Variants in THNSL1 observed in about 807,000 individuals in gnomAD.
THNSL1 encodes the protein threonine synthase-like 1.
THNSL1 carries 48 observed loss-of-function variants against 50.4 expected under a neutral mutation model. The observed-to-expected ratio is 0.95, with a 90% CI of 0.76 to 1.21. The LOEUF (loss-of-function observed/expected upper bound fraction) is 1.21, where lower values mean the gene tolerates loss of function less well. Among genes scored for constraint, THNSL1 ranks in the 50% most tolerant of loss-of-function variants. THNSL1 has a pLI of 0.00. For synonymous variants in THNSL1, 309 were observed against 306.1 expected, an observed-to-expected ratio of 1.01 and a Z score of -0.10; for missense variants, 896 against 871.7, an observed-to-expected ratio of 1.03 and a Z score of -0.35.
chr10:25,023,179 T>A lies in THNSL1; in HGVS notation c.-45T>A. 6.4e-7 allele frequency: 1 copy of A among 1,561,468 alleles called. No homozygotes were observed. The highest frequency in any genetic ancestry group is 1.9e-5 in the Admixed American group (1 of 51,562). On this transcript the variant is annotated 5_prime_UTR_variant, in exon 3 of 3. Coordinates refer to ENST00000376356, the MANE Select transcript of THNSL1 (RefSeq NM_024838.5). ...GTTTGTTTTGTGTTTTGAAAAGGGC[T>A]AAAGCCAATTTTTAGGTTGGCTTGG...
chr10:25,010,031 C>T, the THNSL1 span, among the ~76,000 whole-genome samples: 3 of 152,044 alleles, frequency 2.0e-5, no homozygotes, highest in Non-Finnish European at 4.4e-5. Flanking sequence ...AATGTGAAAG[C>T]GACTTTGGAA....
the THNSL1 span, among the ~76,000 whole-genome samples, chr10:24,972,522 A>AAATAAT: frequency 3.3e-5 from 5 of 150,072 alleles, no homozygotes; most frequent in Non-Finnish European, 7.4e-5. Context: ...AAAAAAAAAT[A>AAATAAT]AATAATAATA....
the THNSL1 span, among the ~76,000 whole-genome samples, chr10:24,964,095 G>A: frequency 6.6e-6 from 1 of 152,266 alleles, no homozygotes; most frequent in Admixed American, 6.5e-5. Context: ...CAACATTCCT[G>A]GCTTCTTTTG....
At chr10:24,954,030 A>T in the THNSL1 span, among the ~76,000 whole-genome samples, 1 of 152,148 alleles carries the variant, frequency 6.6e-6, no homozygotes, top group Admixed American at 6.5e-5. Flanking sequence ...AGTAATTGTG[A>T]GAGGGCGTTG....
chr10:24,964,126 C>T, the THNSL1 span, among the ~76,000 whole-genome samples: 1 of 152,200 alleles, frequency 6.6e-6, no homozygotes, highest in African/African-American at 2.4e-5. Context: ...CCCAGTAGCA[C>T]CCCCAATTGT....
chr10:24,969,677 T>G, the THNSL1 span, among the ~76,000 whole-genome samples: 2 of 152,228 alleles, frequency 1.3e-5, no homozygotes, highest in African/African-American at 4.8e-5. Flanking sequence ...ACAAAGCCCC[T>G]GTAGCTGATG....
the THNSL1 span, among the ~76,000 whole-genome samples, chr10:24,960,058 T>G: frequency 6.7e-6 from 1 of 148,552 alleles, no homozygotes; most frequent in Non-Finnish European, 1.5e-5. Flanking sequence ...CCCACCCCCT[T>G]TCCCATTTTT....
the THNSL1 span, among the ~76,000 whole-genome samples, chr10:24,963,768 T>G: frequency 6.6e-6 from 1 of 151,976 alleles, no homozygotes; most frequent in Non-Finnish European, 1.5e-5. Context: ...TAGAGAAAAA[T>G]AAAAACGGTA....
chr10:25,024,137 T>C lies in THNSL1; in HGVS notation c.914T>C (p.Ile305Thr). ...LLERCIHPADIPAARLGEMIE... is the reference protein window; with the variant it reads ...LLERCIHPADTPAARLGEMIE... ...GAAAGATGTATCCATCCTGCAGACATACCTGCTGCCAGGTTGGGAGAAATG... is the reference window on the plus strand; with the variant it reads ...GAAAGATGTATCCATCCTGCAGACACACCTGCTGCCAGGTTGGGAGAAATG... Residue 305 changes from isoleucine (I) to threonine (T), a missense_variant, in exon 3 of 3, where the codon ATA becomes ACA. Ile to Thr is a moderately conservative substitution (Grantham distance 89, BLOSUM62 -1). Transcript: ENST00000376356. 2 of 1,614,172 alleles carry C rather than the reference T, an allele frequency of 1.2e-6. No individual in the cohort carries two copies. The highest frequency in any genetic ancestry group is 1.7e-6 in the Non-Finnish European group (2 of 1,180,014).
chr10:25,002,205 G>T, the THNSL1 span, among the ~76,000 whole-genome samples: 2 of 152,160 alleles, frequency 1.3e-5, no homozygotes, highest in African/African-American at 4.8e-5. Flanking sequence ...GTGGGAACAC[G>T]AACTTTACCT....
chr10:24,974,985 A>T, the THNSL1 span, among the ~76,000 whole-genome samples: 1 of 152,164 alleles, frequency 6.6e-6, no homozygotes, highest in Non-Finnish European at 1.5e-5. Context: ...TTAGTGCTGG[A>T]CATCATCTTA....
the THNSL1 span, among the ~76,000 whole-genome samples, chr10:24,964,467 A>G: frequency 6.6e-6 from 1 of 152,254 alleles, no homozygotes; most frequent in Non-Finnish European, 1.5e-5. Context: ...AACATAGAGA[A>G]ACATAAGTTA....
the THNSL1 span, chr10:24,952,588 G>A: frequency 3.9e-6 from 6 of 1,540,388 alleles, no homozygotes; most frequent in East Asian, 2.5e-5. The surrounding 1 kb of genome is among the most constrained non-coding windows in gnomAD (Gnocchi z 5.1). Context: ...TTCTCCCGGG[G>A]AACGCGGGAA....
chr10:24,962,677 T>C, the THNSL1 span, among the ~76,000 whole-genome samples: 1 of 152,220 alleles, frequency 6.6e-6, no homozygotes, highest in African/African-American at 2.4e-5. Context: ...GTTTTCTCTT[T>C]CCATAGCCAT....
At chr10:24,968,173 T>G in the THNSL1 span, among the ~76,000 whole-genome samples, 2 of 152,146 alleles carry the variant, frequency 1.3e-5, no homozygotes, top group South Asian at 2.1e-4. Flanking sequence ...CTATCATTCC[T>G]TCTTACTTTT....
the THNSL1 span, among the ~76,000 whole-genome samples, chr10:25,005,492 G>A: frequency 6.6e-6 from 1 of 152,118 alleles, no homozygotes; most frequent in African/African-American, 2.4e-5. Context: ...GGCAAAATAG[G>A]CATCAAGGAT....
intron 1 of THNSL1, among the ~76,000 whole-genome samples, chr10:25,018,961 A>C (rs1850666424): frequency 6.6e-6 from 1 of 152,204 alleles, no homozygotes; most frequent in Non-Finnish European, 1.5e-5. Flanking sequence ...CCTTGTGATT[A>C]CAGAACTATA....
chr10:24,986,895 C>G, the THNSL1 span, among the ~76,000 whole-genome samples: 1 of 152,082 alleles, frequency 6.6e-6, no homozygotes, highest in Non-Finnish European at 1.5e-5. Flanking sequence ...CTTAATTTTC[C>G]TCTCTTCTAT....
At chr10:24,967,089 G>C in the THNSL1 span, among the ~76,000 whole-genome samples, 1 of 152,218 alleles carries the variant, frequency 6.6e-6, no homozygotes, top group South Asian at 2.1e-4. Context: ...AGGCCAGAAA[G>C]ATTCCAGATT....
Sources: gnomAD v4.1 joint callset for allele counts (sites outside exome capture counted in the v4.1 genomes callset) on GRCh38, gnomAD v4.1.1 for gene constraint, Gnocchi (gnomAD v3.1) non-coding constraint, MANE v1.5 for transcripts, NCBI Gene and HGNC (gene_info 2026-07-23, HGNC 2026-07-21) for gene names.